Variants in FOCAD observed in about 807,000 individuals in gnomAD.
FOCAD encodes focadhesin.
FOCAD carries 198 observed loss-of-function variants against 225.6 expected under a neutral mutation model. The observed-to-expected ratio is 0.88, with a 90% CI of 0.78 to 0.99. FOCAD has a LOEUF of 0.99. Ranked by LOEUF, FOCAD falls within the 50% of genes least tolerant of loss-of-function variation. FOCAD has a pLI of 0.00. For missense variants in FOCAD, 2,713 were observed against 2,123.6 expected (o/e 1.28, Z -5.46); for synonymous variants, 897 against 755.0 (o/e 1.19, Z -3.08).
At chr9:20,866,028 T>C in intron 17 of FOCAD, 52 bp downstream of exon 17, 2 of 1,449,030 alleles carry the variant, frequency 1.4e-6, no homozygotes, top group Non-Finnish European at 1.9e-6. Flanking sequence ...GGAAATAATT[T>C]TGACATTTGT....
At chr9:20,690,870 T>C (rs949997234) in intron 1 of FOCAD, among the ~76,000 whole-genome samples, 4 of 151,996 alleles carry the variant, frequency 2.6e-5, no homozygotes, top group Middle Eastern at 3.4e-3. Context: ...TCTAAAGGTC[T>C]GTTCCAAATT....
At chr9:20,698,743 T>C (rs1823591491) in intron 1 of FOCAD, among the ~76,000 whole-genome samples, 1 of 152,214 alleles carries the variant, frequency 6.6e-6, no homozygotes, top group Non-Finnish European at 1.5e-5. Flanking sequence ...TTGTAAACTT[T>C]TCTTTACATT....
At chr9:20,959,495 ATGT>A (rs1838503438) in intron 35 of FOCAD, among the ~76,000 whole-genome samples, 1 of 152,002 alleles carries the variant, frequency 6.6e-6, no homozygotes, top group Non-Finnish European at 1.5e-5. Context: ...TTGTCTTTTC[ATGT>A]TGTTGATTAT....
intron 7 of FOCAD, among the ~76,000 whole-genome samples, chr9:20,768,458 A>T (rs1211849964): frequency 3.3e-5 from 5 of 151,880 alleles, no homozygotes; most frequent in East Asian, 1.9e-4. Context: ...CCTACCCATG[A>T]GCATGGAATG....
At chr9:20,746,155 G>A (rs1229566017) in intron 5 of FOCAD, among the ~76,000 whole-genome samples, 1 of 152,186 alleles carries the variant, frequency 6.6e-6, no homozygotes, top group Non-Finnish European at 1.5e-5. Flanking sequence ...ATATCAAAAT[G>A]TAGCCCCATT....
intron 5 of FOCAD, among the ~76,000 whole-genome samples, chr9:20,742,715 C>T (rs1340331848): frequency 6.6e-6 from 1 of 152,188 alleles, no homozygotes; most frequent in East Asian, 1.9e-4. Flanking sequence ...AATTGTTAGA[C>T]CTTTAATTAT....
At chr9:20,759,714 T>C (rs528899694) in intron 6 of FOCAD, among the ~76,000 whole-genome samples, 41 of 152,330 alleles carry the variant, frequency 2.7e-4, no homozygotes, top group African/African-American at 9.6e-4. Context: ...GAAAAAAATC[T>C]ACCAGATTTA....
chr9:20,851,384 T>C (rs1219075580), intron 15 of FOCAD, among the ~76,000 whole-genome samples: 2 of 151,774 alleles, frequency 1.3e-5, no homozygotes, highest in East Asian at 1.9e-4. Context: ...TCATGCCTCT[T>C]TTAAGTGGAA....
At chr9:20,817,999 A>G (rs150893447) in intron 11 of FOCAD, among the ~76,000 whole-genome samples, 2 of 152,286 alleles carry the variant, frequency 1.3e-5, no homozygotes, top group African/African-American at 4.8e-5. Flanking sequence ...TTACATTACC[A>G]CGAGCAGTGT....
In FOCAD at chr9:20,820,880, A is replaced by C. The variant is rs1824247126; in HGVS notation, c.1663-61A>C. ...GGAGGTGAAAATGCTGAGTAAAAGG[A>C]AGATAATGATTATTCAACTCAAGTT... On this transcript the variant is annotated intron_variant, in intron 13 of 43. Coordinates refer to ENST00000338382, the MANE Select transcript of FOCAD (RefSeq NM_001375567.1). 4.5e-6 allele frequency: 7 copies of C among 1,572,204 alleles called. No individual in the cohort carries two copies. In the South Asian group the frequency reaches 5.7e-5, roughly 13 times the overall value.
At chr9:20,938,824 A>G (rs571995806) in intron 28 of FOCAD, among the ~76,000 whole-genome samples, 1 of 152,254 alleles carries the variant, frequency 6.6e-6, no homozygotes, top group African/African-American at 2.4e-5. Flanking sequence ...TTAGTCTACC[A>G]TATTTATTAC....
chr9:20,769,828 G>A (rs1024518059), intron 7 of FOCAD, among the ~76,000 whole-genome samples: 1 of 152,206 alleles, frequency 6.6e-6, no homozygotes, highest in African/African-American at 2.4e-5. Flanking sequence ...AAAAACAGTA[G>A]CAAATTGGAT....
intron 8 of FOCAD, among the ~76,000 whole-genome samples, chr9:20,777,116 CAT>C (rs1010089649): frequency 2.6e-5 from 4 of 151,838 alleles, no homozygotes; most frequent in African/African-American, 7.3e-5. Context: ...TAAACAAGCA[CAT>C]GAGAGGATTT....
At position 20,940,136 on chromosome 9, in the gene FOCAD, G is replaced by A. The variant is rs542421154; in HGVS notation, c.3408-4491G>A. 3.9e-5 allele frequency among the ~76,000 whole-genome samples: 6 copies of A among 152,224 alleles called. No homozygotes were observed. In the East Asian group the frequency reaches 1.2e-3, roughly 29 times the overall value. Reference sequence around the variant, plus strand: ...CTTCCTGTCCAGTTAGTGGACACTTGCCTGTCTGTTAGAGCCCAATTAAAA... The same window carrying A: ...CTTCCTGTCCAGTTAGTGGACACTTACCTGTCTGTTAGAGCCCAATTAAAA... On this transcript the variant is annotated intron_variant, in intron 28 of 43. Transcript: ENST00000338382.
At chr9:20,734,414 T>C (rs967646931) in intron 4 of FOCAD, among the ~76,000 whole-genome samples, 5 of 152,222 alleles carry the variant, frequency 3.3e-5, no homozygotes, top group African/African-American at 1.2e-4. Context: ...ATATGCCAAG[T>C]GTTTTAGAAT....
At chr9:20,987,542 C>A (rs907953611) in intron 40 of FOCAD, among the ~76,000 whole-genome samples, 5 of 151,980 alleles carry the variant, frequency 3.3e-5, no homozygotes, top group Admixed American at 2.6e-4. Flanking sequence ...ATTCATCATC[C>A]CCTGTGGCAG....
upstream of FOCAD, among the ~76,000 whole-genome samples, chr9:20,656,791 G>A (rs1047782060): frequency 6.6e-6 from 1 of 152,100 alleles, no homozygotes; most frequent in Non-Finnish European, 1.5e-5. Flanking sequence ...AAAGTTAATA[G>A]CGTTATGTGT....
intron 6 of FOCAD, among the ~76,000 whole-genome samples, chr9:20,760,905 C>T (rs76683426): frequency 0.038 from 5,812 of 151,926 alleles, 142 homozygotes; most frequent in African/African-American, 0.072. Flanking sequence ...ATATGAGTAG[C>T]GATTCACAAC....
intron 1 of FOCAD, among the ~76,000 whole-genome samples, chr9:20,695,732 T>C (rs569272503): frequency 2.0e-5 from 3 of 152,346 alleles, no homozygotes; most frequent in East Asian, 1.9e-4. Flanking sequence ...TTTTAAAAGC[T>C]ATGTGGGATA....
Sources: gnomAD v4.1 joint callset for allele counts (sites outside exome capture counted in the v4.1 genomes callset) on GRCh38, gnomAD v4.1.1 for gene constraint, MANE v1.5 for transcripts, NCBI Gene and HGNC (gene_info 2026-07-23, HGNC 2026-07-21) for gene names.